The following GRM1 variants were observed in gnomAD, a reference collection of about 807,000 sequenced individuals.
GRM1 encodes the protein glutamate metabotropic receptor 1.
In GRM1, 33 loss-of-function variants were observed where a neutral mutation model predicts 90.9. The observed-to-expected ratio is 0.36, with a 90% confidence interval of 0.28 to 0.49. The LOEUF (loss-of-function observed/expected upper bound fraction) is 0.49, where lower values mean the gene tolerates loss of function less well. Among genes scored for constraint, GRM1 ranks in the 20% least tolerant of loss-of-function variants. The pLI, the probability that GRM1 is intolerant of heterozygous loss-of-function variation, is 0.99. For synonymous variants in GRM1, 700 were observed against 613.2 expected, an observed-to-expected ratio of 1.14 and a Z score of -2.09; for missense variants, 1,190 against 1,534.3, an observed-to-expected ratio of 0.78 and a Z score of 3.75.
chr6:146,128,006 G>A (rs1168663298), intron 1 of GRM1, among the ~76,000 whole-genome samples: 4 of 152,126 alleles, frequency 2.6e-5, no homozygotes, highest in Non-Finnish European at 5.9e-5. Context: ...CTGGCCATCT[G>A]CTGGAACCTC....
At chr6:146,119,847 T>C (rs1294928016) in intron 1 of GRM1, among the ~76,000 whole-genome samples, 1 of 152,186 alleles carries the variant, frequency 6.6e-6, no homozygotes, top group Non-Finnish European at 1.5e-5. Flanking sequence ...ACTGTAGCCT[T>C]GTAGTATAGT....
chr6:146,237,910 A>T (rs935092285), intron 2 of GRM1, among the ~76,000 whole-genome samples: 1 of 152,194 alleles, frequency 6.6e-6, no homozygotes, highest in East Asian at 1.9e-4. Flanking sequence ...GGTGCTGAAC[A>T]TAAATGTTTG....
intron 5 of GRM1, among the ~76,000 whole-genome samples, chr6:146,386,160 C>G (rs953679879): frequency 8.6e-5 from 13 of 151,998 alleles, no homozygotes; most frequent in African/African-American, 3.1e-4. Flanking sequence ...AAGACGTGCA[C>G]TTCAAATGGA....
At chr6:146,126,421 A>G (rs1423520099) in intron 1 of GRM1, among the ~76,000 whole-genome samples, 1 of 152,172 alleles carries the variant, frequency 6.6e-6, no homozygotes, top group Non-Finnish European at 1.5e-5. Context: ...AAGTATACAC[A>G]TATTTTAAAA....
intron 1 of GRM1, among the ~76,000 whole-genome samples, chr6:146,043,891 A>T (rs1331940389): frequency 6.6e-6 from 1 of 150,602 alleles, no homozygotes; most frequent in Non-Finnish European, 1.5e-5. Context: ...TGACAGGTGG[A>T]AAGTTTTTTT....
At chr6:146,107,238 G>T (rs1263684017) in intron 1 of GRM1, among the ~76,000 whole-genome samples, 2 of 151,828 alleles carry the variant, frequency 1.3e-5, no homozygotes, top group African/African-American at 2.4e-5. Flanking sequence ...TACTATTATT[G>T]TATATAAGAC....
intron 2 of GRM1, among the ~76,000 whole-genome samples, chr6:146,201,819 C>G (rs779080497): frequency 5.3e-5 from 8 of 152,194 alleles, no homozygotes; most frequent in Non-Finnish European, 1.0e-4. Flanking sequence ...AATCACATAG[C>G]TAGTAAGTGA....
chr6:146,295,851 ATTG>A (rs1430283615), intron 2 of GRM1, among the ~76,000 whole-genome samples: 2 of 151,980 alleles, frequency 1.3e-5, no homozygotes, highest in African/African-American at 2.4e-5. Flanking sequence ...CTAGTACCCA[ATTG>A]TTATTTTTTT....
At chr6:146,043,782 GATATATATATAT>G (rs3064997) in intron 1 of GRM1, among the ~76,000 whole-genome samples, 90 of 89,986 alleles carry the variant, frequency 1.0e-3, no homozygotes, top group African/African-American at 2.8e-3. Flanking sequence ...AGAGTCAGGT[GATATATATATAT>G]ATATATATAT....
chr6:146,237,623 A>G (rs987002082), intron 2 of GRM1, among the ~76,000 whole-genome samples: 1 of 152,120 alleles, frequency 6.6e-6, no homozygotes, highest in Admixed American at 6.6e-5. Flanking sequence ...ATCCAGATAA[A>G]AGGAGGACTG....
At position 146,379,621 on chromosome 6, in the gene GRM1, G is replaced by C. The variant is rs2115118639; in HGVS notation, c.1603-7269G>C. ...TAGTGAGGTCATGTTTTCCTGGATG[G>C]TGTTGATGCTAGTACATGCTCTTTG... On this transcript the variant is annotated intron_variant, in intron 5 of 7. Coordinates refer to ENST00000282753, the MANE Select transcript of GRM1 (RefSeq NM_001278064.2). Among the ~76,000 whole-genome samples, 2 of 152,200 alleles carry C rather than the reference G, an allele frequency of 1.3e-5. 1 individual carries two copies. Among genetic ancestry groups the C allele is most frequent in the East Asian group, 3.9e-4 (2 of 5,156 alleles).
At chr6:146,167,975 T>A (rs1015933170) in intron 2 of GRM1, among the ~76,000 whole-genome samples, 15 of 152,046 alleles carry the variant, frequency 9.9e-5, no homozygotes, top group Non-Finnish European at 1.8e-4. Flanking sequence ...GTCACAAACA[T>A]TTTTCTAAAA....
intron 1 of GRM1, among the ~76,000 whole-genome samples, chr6:146,055,242 G>A (rs1211489141): frequency 2.0e-5 from 3 of 152,086 alleles, no homozygotes; most frequent in Non-Finnish European, 4.4e-5. Flanking sequence ...GTATTTAGAT[G>A]TGTGTATTGC....
chr6:146,366,832 T>G (rs527933584), intron 5 of GRM1, among the ~76,000 whole-genome samples: 1 of 152,320 alleles, frequency 6.6e-6, no homozygotes, highest in African/African-American at 2.4e-5. Context: ...TGCAAATATT[T>G]TTGCCCATCC....
chr6:146,358,581 G>A (rs1170551982), intron 5 of GRM1, among the ~76,000 whole-genome samples: 1 of 152,158 alleles, frequency 6.6e-6, no homozygotes, highest in Non-Finnish European at 1.5e-5. Flanking sequence ...TCTGGCTCCT[G>A]CCATGCTGAC....
intron 7 of GRM1, among the ~76,000 whole-genome samples, chr6:146,405,825 C>G (rs1777327692): frequency 6.6e-6 from 1 of 152,054 alleles, no homozygotes. Flanking sequence ...ATTAGGGCTT[C>G]AATAGATGAA....
intron 2 of GRM1, among the ~76,000 whole-genome samples, chr6:146,236,926 C>T (rs1385794893): frequency 1.3e-5 from 2 of 152,046 alleles, no homozygotes; most frequent in Non-Finnish European, 2.9e-5. Context: ...GGGTCAAACT[C>T]CCCAAGTGTT....
At chr6:146,413,343 C>T (rs984551905) in intron 7 of GRM1, among the ~76,000 whole-genome samples, 6 of 151,986 alleles carry the variant, frequency 3.9e-5, no homozygotes, top group Admixed American at 2.0e-4. Context: ...TTTACTAGAA[C>T]AATTATTGGT....
At chr6:146,085,869 A>G (rs1288930057) in intron 1 of GRM1, among the ~76,000 whole-genome samples, 1 of 152,092 alleles carries the variant, frequency 6.6e-6, no homozygotes, top group African/African-American at 2.4e-5. Flanking sequence ...TTTTTGGATA[A>G]CTTCCTTTTA....
Sources: gnomAD v4.1 joint callset for allele counts (sites outside exome capture counted in the v4.1 genomes callset) on GRCh38, gnomAD v4.1.1 for gene constraint, MANE v1.5 for transcripts, NCBI Gene and HGNC (gene_info 2026-07-23, HGNC 2026-07-21) for gene names.